SLC22A23: variants seen among roughly 807,000 people sequenced by gnomAD.
SLC22A23 encodes solute carrier family 22 member 23, also known as ion transporter protein.
Under a neutral mutation model 61.0 loss-of-function variants are expected in SLC22A23, and 26 were observed. The observed-to-expected ratio is 0.43, with a 90% CI of 0.31 to 0.59. The LOEUF (loss-of-function observed/expected upper bound fraction) is 0.59. Among genes scored for constraint, SLC22A23 ranks in the 20% least tolerant of loss-of-function variants. The pLI, the probability that SLC22A23 is intolerant of heterozygous loss-of-function variation, is 0.11. For missense variants in SLC22A23, 796 were observed against 934.7 expected, an observed-to-expected ratio of 0.85 and a Z score of 1.94; for synonymous variants, 430 against 413.9, an observed-to-expected ratio of 1.04 and a Z score of -0.47.
Position 3,312,154 on chromosome 6 carries a change from T to C in SLC22A23, c.1082+11680A>G, listed in dbSNP as rs1420191864. The C allele has an allele frequency of 2.0e-5, 3 of 152,342 alleles. No individual in the cohort carries two copies. The South Asian group carries it at 6.2e-4, about 32-fold the overall frequency. The allele number at this position is 152,342 out of a possible 1,614,324, so 9.4% of individuals were successfully genotyped here. On this transcript the variant is annotated intron_variant, in intron 4 of 9. Coordinates refer to ENST00000406686, the MANE Select transcript of SLC22A23 (RefSeq NM_015482.2). ...CTTTTCATGATTAACCAACTCCAAA[T>C]GTATAACAATTGGCATACATTTAAA...
intron 3 of SLC22A23, among the ~76,000 whole-genome samples, chr6:3,389,944 G>A (rs1040741162): frequency 6.6e-6 from 1 of 152,226 alleles, no homozygotes; most frequent in African/African-American, 2.4e-5. Flanking sequence ...TCGCAAAGCT[G>A]ATGTACCCAT....
chr6:3,347,450 G>A (rs982770919), intron 3 of SLC22A23, among the ~76,000 whole-genome samples: 14 of 151,944 alleles, frequency 9.2e-5, no homozygotes, highest in Non-Finnish European at 2.1e-4. Flanking sequence ...GAGCTGAACT[G>A]CACAGGAGAA....
chr6:3,439,792 C>T (rs6924205), intron 1 of SLC22A23, among the ~76,000 whole-genome samples: 85,782 of 151,744 alleles, frequency 0.57, 24,526 homozygotes, highest in South Asian at 0.74. Context: ...GGGTGGGAAA[C>T]GGGAAGGGAG....
rs1281331546 is a variant in SLC22A23, at chr6:3,427,125, C to G, written c.655-11270G>C. ...ATTTCTAGTTTCGCCCCGCGGTCAT[C>G]AGGGCAAGCTTTTTCACCGTGTGGG... On this transcript the variant is annotated intron_variant, in intron 1 of 9. Transcript: ENST00000406686. This position sits in a 1 kb window ranked among gnomAD's most constrained non-coding sequence, Gnocchi z 4.3. 6.6e-6 allele frequency among the ~76,000 whole-genome samples: 1 copy of G among 152,208 alleles called. No homozygotes were observed. Among genetic ancestry groups the G allele is most frequent in the African/African-American group, 2.4e-5 (1 of 41,452 alleles).
intron 3 of SLC22A23, among the ~76,000 whole-genome samples, chr6:3,409,048 C>G (rs1335368706): frequency 6.6e-6 from 1 of 152,248 alleles, no homozygotes; most frequent in Non-Finnish European, 1.5e-5. Flanking sequence ...AAGCCCAATA[C>G]TCGCATTATT....
At chr6:3,363,239 C>G (rs2127452432) in intron 3 of SLC22A23, among the ~76,000 whole-genome samples, 1 of 152,352 alleles carries the variant, frequency 6.6e-6, no homozygotes, top group South Asian at 2.1e-4. Flanking sequence ...TTTCCTGCAG[C>G]CCTGGCTGGC....
intron 3 of SLC22A23, among the ~76,000 whole-genome samples, chr6:3,332,105 G>A (rs1013956937): frequency 4.6e-5 from 7 of 152,188 alleles, no homozygotes; most frequent in Non-Finnish European, 7.3e-5. Flanking sequence ...TGAAACCTCC[G>A]AGGCATGTGG....
intron 8 of SLC22A23, chr6:3,284,825 C>T: frequency 1.5e-6 from 2 of 1,343,106 alleles, no homozygotes; most frequent in Non-Finnish European, 2.1e-6. Context: ...AGCCTGGTGC[C>T]AGGGGAAGGG....
intron 1 of SLC22A23, among the ~76,000 whole-genome samples, chr6:3,419,439 G>T (rs1036300182): frequency 2.0e-5 from 3 of 152,174 alleles, no homozygotes; most frequent in Non-Finnish European, 2.9e-5. Context: ...TGTGATTTTG[G>T]TCCTGCCAAT....
At chr6:3,438,130 C>T (rs1771344662) in intron 1 of SLC22A23, among the ~76,000 whole-genome samples, 1 of 152,130 alleles carries the variant, frequency 6.6e-6, no homozygotes, top group Admixed American at 6.5e-5. Flanking sequence ...CCTGCCACCA[C>T]CATTGACAGC....
At position 3,270,384 on chromosome 6, in the gene SLC22A23, G is replaced by A. The variant is rs1316224162; in HGVS notation, c.*2671C>T. On this transcript the variant is annotated 3_prime_UTR_variant, in exon 10 of 10. Transcript: ENST00000406686. Reference sequence around the variant, plus strand: ...TGGGTCCTGCCACCTTGCTCACTTGGTACCGGATTTCCCGGGGCTGTGCCC... The same window carrying A: ...TGGGTCCTGCCACCTTGCTCACTTGATACCGGATTTCCCGGGGCTGTGCCC... 1 of 152,424 alleles carries A rather than the reference G, an allele frequency of 6.6e-6. No individual in the cohort carries two copies. The highest frequency in any genetic ancestry group is 1.5e-5 in the Non-Finnish European group (1 of 68,086). The allele number at this position is 152,424 out of a possible 1,614,324, so 9.4% of individuals were successfully genotyped here. A position where few individuals can be genotyped will look rare whatever the true frequency, so the allele number is the denominator to read the frequency against.
intron 2 of SLC22A23, among the ~76,000 whole-genome samples, chr6:3,411,656 T>C (rs1769258292): frequency 6.6e-6 from 1 of 152,158 alleles, no homozygotes; most frequent in Non-Finnish European, 1.5e-5. Flanking sequence ...AGGCATGGCC[T>C]TACCCTATAG....
At position 3,386,800 on chromosome 6, in the gene SLC22A23, C is replaced by G. The variant is rs1213009013; in HGVS notation, c.913+23388G>C. 1.3e-5 allele frequency among the ~76,000 whole-genome samples: 2 copies of G among 152,226 alleles called. No homozygotes were observed. The highest frequency in any genetic ancestry group is 2.4e-5 in the African/African-American group (1 of 41,472). ...GAAGGACATCTGGAAAGTCTGCATA[C>G]TCTGATGCTGACACACGGACCTGGC... On this transcript the variant is annotated intron_variant, in intron 3 of 9. Coordinates refer to ENST00000406686, the MANE Select transcript of SLC22A23 (RefSeq NM_015482.2). The surrounding 1 kb of genome is among the most constrained non-coding windows in gnomAD (Gnocchi z 4.4).
intron 9 of SLC22A23, among the ~76,000 whole-genome samples, chr6:3,275,773 G>A (rs888229880): frequency 5.3e-5 from 8 of 152,166 alleles, no homozygotes; most frequent in Middle Eastern, 3.2e-3. Context: ...TAGTAGAGTC[G>A]GGGTTTCGCT....
At chr6:3,432,768 A>G (rs542226442) in intron 1 of SLC22A23, among the ~76,000 whole-genome samples, 2 of 152,358 alleles carry the variant, frequency 1.3e-5, no homozygotes, top group South Asian at 2.1e-4. Flanking sequence ...ATGTTTAAAT[A>G]TGGTGGAAAT....
intron 3 of SLC22A23, among the ~76,000 whole-genome samples, chr6:3,407,989 T>A (rs543943310): frequency 6.6e-6 from 1 of 152,338 alleles, no homozygotes; most frequent in African/African-American, 2.4e-5. Flanking sequence ...GTTGAAAAAT[T>A]ATGGCCCACT....
intron 3 of SLC22A23, among the ~76,000 whole-genome samples, chr6:3,368,317 T>C (rs964008218): frequency 1.3e-5 from 2 of 152,162 alleles, no homozygotes; most frequent in African/African-American, 4.8e-5. Context: ...GAGCTGCTCC[T>C]TGGCCATGTA....
At chr6:3,432,000 G>C (rs900017962) in intron 1 of SLC22A23, 1 of 161,448 alleles carries the variant, frequency 6.2e-6, no homozygotes, top group African/African-American at 2.4e-5. Context: ...GATTAAATGC[G>C]TATCTCAAAG....
intron 5 of SLC22A23, chr6:3,290,103 G>C: frequency 1.8e-6 from 1 of 563,576 alleles, no homozygotes; most frequent in South Asian, 2.0e-5. Context: ...GCACCAAGGT[G>C]CACCGTCAGC....
Sources: gnomAD v4.1 joint callset for allele counts (sites outside exome capture counted in the v4.1 genomes callset) on GRCh38, gnomAD v4.1.1 for gene constraint, Gnocchi (gnomAD v3.1) non-coding constraint, MANE v1.5 for transcripts, NCBI Gene and HGNC (gene_info 2026-07-23, HGNC 2026-07-21) for gene names.